Variants in RASA3 observed in about 807,000 individuals in gnomAD.
RASA3 encodes the protein RAS p21 protein activator 3.
In RASA3, 73 loss-of-function variants were observed where a neutral mutation model predicts 110.0. The ratio of observed to expected loss-of-function variants is 0.66; its 90% CI spans 0.55 to 0.81. RASA3 has a LOEUF of 0.81. RASA3 is among the 30% of genes least tolerant of loss of function. RASA3 has a pLI of 0.00. For missense variants in RASA3, 976 were observed against 1,113.2 expected (o/e 0.88, Z 1.75); for synonymous variants, 500 against 451.4 (o/e 1.11, Z -1.37).
chr13:114,023,783 A>G (rs2053976009), intron 8 of RASA3, among the ~76,000 whole-genome samples: 2 of 152,238 alleles, frequency 1.3e-5, no homozygotes, highest in South Asian at 4.1e-4. Flanking sequence ...TTCTATGACC[A>G]TACACAGGAA....
At chr13:114,029,461 G>A (rs975724420) in intron 5 of RASA3, among the ~76,000 whole-genome samples, 1 of 36,018 alleles carries the variant, frequency 2.8e-5, no homozygotes. Flanking sequence ...CTAAAACGGC[G>A]TCATCCTGGG....
chr13:114,062,617 G>A (rs551612659), intron 2 of RASA3, among the ~76,000 whole-genome samples: 169 of 150,992 alleles, frequency 1.1e-3, no homozygotes, highest in Admixed American at 1.5e-3. Context: ...TCAGACACGC[G>A]TGCTCACAGC....
At chr13:114,054,963 T>A (rs1337568731) in intron 2 of RASA3, among the ~76,000 whole-genome samples, 1 of 138,166 alleles carries the variant, frequency 7.2e-6, no homozygotes, top group Admixed American at 7.1e-5. Context: ...TGTGGGTGTG[T>A]GCACGTGTGT....
At chr13:114,094,473 T>C (rs368489321) in intron 1 of RASA3, among the ~76,000 whole-genome samples, 19 of 152,320 alleles carry the variant, frequency 1.2e-4, no homozygotes, top group African/African-American at 4.3e-4. Flanking sequence ...AAGGATGTTC[T>C]TCTGGGGTGA....
chr13:114,045,003 A>G (rs2079030093), intron 3 of RASA3, among the ~76,000 whole-genome samples: 1 of 152,194 alleles, frequency 6.6e-6, no homozygotes, highest in Non-Finnish European at 1.5e-5. Flanking sequence ...CACAACATTC[A>G]AAAGGATTTA....
chr13:114,005,476 G>T (rs2053494356), intron 18 of RASA3, among the ~76,000 whole-genome samples: 2 of 151,242 alleles, frequency 1.3e-5, no homozygotes, highest in East Asian at 1.9e-4. Flanking sequence ...CCCCTCCAAG[G>T]TCACCGAGAA....
intron 1 of RASA3, among the ~76,000 whole-genome samples, chr13:114,097,599 A>G (rs897376718): frequency 6.6e-6 from 1 of 152,240 alleles, no homozygotes; most frequent in Non-Finnish European, 1.5e-5. Flanking sequence ...CTCCCAGAAG[A>G]GAGCAGTTAC....
At position 114,011,160 on chromosome 13, in the gene RASA3, G is replaced by C; in HGVS notation, c.1590+11C>G. The stretch of plus-strand genomic sequence containing the variant: ...GTCCCTAAAAAGAGAAAATGAAGAA[G>C]AGGGACTCACAGATTTGGACTTGGA... On this transcript the variant is annotated intron_variant, in intron 16 of 23. Coordinates refer to ENST00000334062, the MANE Select transcript of RASA3 (RefSeq NM_007368.4). This position sits in a 1 kb window ranked among gnomAD's most constrained non-coding sequence, Gnocchi z 4.8. 6.3e-7 allele frequency: 1 copy of C among 1,597,792 alleles called. No individual in the cohort carries two copies. Among genetic ancestry groups the C allele is most frequent in the Non-Finnish European group, 8.6e-7 (1 of 1,166,206 alleles).
chr13:114,105,701 G>A (rs72659568), intron 1 of RASA3, among the ~76,000 whole-genome samples: 22,316 of 152,236 alleles, frequency 0.15, 1,895 homozygotes, highest in Middle Eastern at 0.21. Context: ...TTCCAGAAAC[G>A]ACAGAAACCA....
chr13:114,011,195 G>A lies in RASA3; in HGVS notation c.1566C>T (p.Leu522=), dbSNP rs747641643. 62 of 1,612,912 alleles carry A rather than the reference G, an allele frequency of 3.8e-5. No individual in the cohort carries two copies. Among genetic ancestry groups the A allele is most frequent in the South Asian group, 3.2e-4 (29 of 90,622 alleles). ...LTLISKTVQT[L]GSLSKSKSAS... is the part of the protein sequence containing the mutation. ...CAGATTTGGACTTGGACAGGCTGCCGAGGGTCTGAACGGTCTTGGAGATCA... is the reference window on the plus strand; with the variant it reads ...CAGATTTGGACTTGGACAGGCTGCCAAGGGTCTGAACGGTCTTGGAGATCA... Residue 522 remains leucine (L), a synonymous_variant, in exon 16 of 24, where the codon CTC becomes CTT. Coordinates refer to ENST00000334062, the MANE Select transcript of RASA3 (RefSeq NM_007368.4). This position sits in a 1 kb window ranked among gnomAD's most constrained non-coding sequence, Gnocchi z 4.8.
intron 1 of RASA3, among the ~76,000 whole-genome samples, chr13:114,128,511 C>T (rs1191224947): frequency 2.0e-5 from 3 of 152,256 alleles, no homozygotes; most frequent in East Asian, 3.8e-4. Flanking sequence ...ACCCTCCAGG[C>T]ACCCCACTTG....
intron 1 of RASA3, among the ~76,000 whole-genome samples, chr13:114,106,778 A>G (rs2080140223): frequency 6.6e-6 from 1 of 152,228 alleles, no homozygotes; most frequent in African/African-American, 2.4e-5. Context: ...CCACCTGTCC[A>G]TCCTCCAGGC....
intron 1 of RASA3, among the ~76,000 whole-genome samples, chr13:114,099,434 T>C (rs1228785889): frequency 6.6e-6 from 1 of 151,754 alleles, no homozygotes; most frequent in Non-Finnish European, 1.5e-5. Context: ...CGACTGCCTC[T>C]CCCTTTCCAG....
At chr13:113,981,581 G>T in intron 23 of RASA3, 94 bp downstream of exon 23, 1 of 1,401,690 alleles carries the variant, frequency 7.1e-7, no homozygotes, top group Non-Finnish European at 9.8e-7. Context: ...GAGCACGGGC[G>T]GCCCCACCCG....
At chr13:114,042,884 C>G (rs555908883) in intron 3 of RASA3, among the ~76,000 whole-genome samples, 1 of 152,306 alleles carries the variant, frequency 6.6e-6, no homozygotes, top group East Asian at 1.9e-4. Context: ...GAGCAGGTAC[C>G]ACTCTGCACA....
rs527367826 is a variant in RASA3, at chr13:114,014,883, G to GC, written c.1405+325dup. Among the ~76,000 whole-genome samples the GC allele has an allele frequency of 8.4e-3, 1,273 of 152,078 alleles. 22 individuals are homozygous for GC. Among genetic ancestry groups the GC allele is most frequent in the African/African-American group, 0.028 (1,167 of 41,500 alleles). ...CGACAAAGCCTGGCCACCCTTCCCG[G>GC]CCCCCCCAGAGACCACTGTGGTCGT... On this transcript the variant is annotated intron_variant, in intron 14 of 23. Coordinates refer to ENST00000334062, the MANE Select transcript of RASA3 (RefSeq NM_007368.4). The surrounding 1 kb of genome is among the most constrained non-coding windows in gnomAD (Gnocchi z 4.5).
intron 1 of RASA3, among the ~76,000 whole-genome samples, chr13:114,098,671 G>A (rs2079979260): frequency 6.6e-6 from 1 of 152,130 alleles, no homozygotes; most frequent in Non-Finnish European, 1.5e-5. Flanking sequence ...GAGGCCGGCT[G>A]AGAGTCCAGA....
intron 14 of RASA3, among the ~76,000 whole-genome samples, chr13:114,013,786 C>A (rs1220410511): frequency 6.6e-6 from 1 of 150,494 alleles, no homozygotes; most frequent in Non-Finnish European, 1.5e-5. Flanking sequence ...CCCTCTCTGT[C>A]TCTCTCCCTA....
At chr13:114,050,812 C>T (rs1053168851) in intron 3 of RASA3, among the ~76,000 whole-genome samples, 1 of 152,224 alleles carries the variant, frequency 6.6e-6, no homozygotes, top group Non-Finnish European at 1.5e-5. Flanking sequence ...TGGGGACAGG[C>T]TGGGTTTTAG....
Sources: gnomAD v4.1 joint callset for allele counts (sites outside exome capture counted in the v4.1 genomes callset) on GRCh38, gnomAD v4.1.1 for gene constraint, Gnocchi (gnomAD v3.1) non-coding constraint, MANE v1.5 for transcripts, NCBI Gene and HGNC (gene_info 2026-07-23, HGNC 2026-07-21) for gene names.